Variants in DGKE observed in about 807,000 individuals in gnomAD.
DGKE encodes the protein diacylglycerol kinase epsilon.
Under a neutral mutation model 70.0 loss-of-function variants are expected in DGKE, and 53 were observed. The ratio of observed to expected loss-of-function variants is 0.76; its 90% CI spans 0.61 to 0.95. DGKE has a LOEUF of 0.95. DGKE is among the 40% of genes least tolerant of loss of function. The pLI is 0.00. For missense variants in DGKE, 655 were observed against 706.9 expected (o/e 0.93, Z 0.83); for synonymous variants, 291 against 257.0 (o/e 1.13, Z -1.27).
chr17:56,859,158 A>G (rs1361995734), intron 9 of DGKE, among the ~76,000 whole-genome samples: 2 of 121,148 alleles, frequency 1.7e-5, no homozygotes, highest in Non-Finnish European at 3.7e-5. Context: ...AAAATGTATA[A>G]ATACAAAAAA....
intron 1 of DGKE, 81 bp from the exon 2 acceptor site, chr17:56,834,697 G>A (rs1906451716): frequency 7.3e-7 from 1 of 1,361,080 alleles, no homozygotes; most frequent in African/African-American, 1.4e-5. Context: ...GAGGGCGCCC[G>A]GTTTGGCCCC....
At chr17:56,856,178 C>T (rs1907940538) in intron 7 of DGKE, among the ~76,000 whole-genome samples, 1 of 151,860 alleles carries the variant, frequency 6.6e-6, no homozygotes, top group Non-Finnish European at 1.5e-5. Flanking sequence ...AAGCTGAGAG[C>T]TTGGAGGCTG....
rs1168400327 is a variant in DGKE at position 56,858,653 on chromosome 17, T to TA, written c.1278dup (p.Val427SerfsTer2). On this transcript the variant is annotated frameshift_variant, in exon 9 of 12. Coordinates refer to ENST00000284061, the MANE Select transcript of DGKE (RefSeq NM_003647.3). LOFTEE classifies it high-confidence loss of function. Reference sequence around the variant, plus strand: ...TAGTGCAAGAATGTAAAGATTTGAATAAAAAAGTTGAGGTAAGCTATTAAC... The same window carrying TA: ...TAGTGCAAGAATGTAAAGATTTGAATAAAAAAAGTTGAGGTAAGCTATTAAC... 3.1e-6 allele frequency: 5 copies of TA among 1,603,948 alleles called. No individual in the cohort carries two copies. The highest frequency in any genetic ancestry group is 1.3e-5 in the African/African-American group (1 of 74,314).
intron 8 of DGKE, among the ~76,000 whole-genome samples, chr17:56,857,769 C>T (rs1908035461): frequency 2.0e-5 from 3 of 151,926 alleles, no homozygotes; most frequent in African/African-American, 7.3e-5. Flanking sequence ...GGAGAAAACA[C>T]CATTTAGAAA....
chr17:56,840,800 A>G (rs1296283310), intron 2 of DGKE, among the ~76,000 whole-genome samples: 2 of 152,170 alleles, frequency 1.3e-5, no homozygotes, highest in East Asian at 1.9e-4. Flanking sequence ...AGGGGGGGGA[A>G]TAACTATAGG....
chr17:56,842,855 AG>A (rs769864124), intron 2 of DGKE, among the ~76,000 whole-genome samples: 8 of 152,370 alleles, frequency 5.3e-5, no homozygotes, highest in Middle Eastern at 3.4e-3. Context: ...AATTAATAAT[AG>A]AAACCCAGGA....
chr17:56,862,737 A>G lies in DGKE; in HGVS notation c.1650A>G (p.Thr550=), dbSNP rs1908368786. Residue 550 remains threonine, a synonymous_variant, in exon 12 of 12, where the codon ACA becomes ACG. Transcript: ENST00000284061. ...AMMLYFSGEQ[T]DDDISSTSDQ... ...TGTTATATTTCTCTGGAGAACAAAC[A>G]GATGATGACATCTCTAGTACTTCGG... is the stretch of plus-strand genomic sequence containing the variant. 1 of 1,608,522 alleles carries G rather than the reference A, an allele frequency of 6.2e-7. No individual in the cohort carries two copies. Among genetic ancestry groups the G allele is most frequent in the African/African-American group, 1.3e-5 (1 of 74,738 alleles).
rs770159608 is a variant in DGKE, at chr17:56,847,954, A to C, written c.777A>C (p.Lys259Asn). The change falls in exon 5 of 12, where the codon AAA becomes AAC. Residue 259 changes from lysine (K) to asparagine (N), a missense_variant. Transcript: ENST00000284061. ...ATGTAACTAAAACTCCTCCTATCAA[A>C]GCCCTACAACTCTGTACTCTTCTCC... is the stretch of plus-strand genomic sequence containing the variant. ...VFDVTKTPPI[K>N]ALQLCTLLPY... The C allele has an allele frequency of 1.3e-6, 2 of 1,586,792 alleles. No homozygotes were observed. Among genetic ancestry groups the C allele is most frequent in the South Asian group, 2.3e-5 (2 of 85,406 alleles).
intron 8 of DGKE, 175 bp downstream of exon 8, chr17:56,856,800 T>C: frequency 2.2e-6 from 1 of 462,624 alleles, no homozygotes; most frequent in Non-Finnish European, 2.8e-6. Flanking sequence ...ATTAGATCTT[T>C]AAATGTGCTT....
chr17:56,845,955 A>G (rs1907260907), intron 4 of DGKE, 146 bp downstream of exon 4: 2 of 803,316 alleles, frequency 2.5e-6, no homozygotes, highest in South Asian at 3.1e-5. Context: ...GTGGATAAAC[A>G]GGCACTCTTG....
rs183669779 is a variant in DGKE, at chr17:56,869,367, G to C, written c.*6576G>C. 33 of 152,332 alleles carry C rather than the reference G, an allele frequency of 2.2e-4. No homozygotes were observed. In the East Asian group the frequency reaches 5.0e-3, roughly 23 times the overall value. The allele number at this position is 152,332 out of a possible 1,614,324, so 9.4% of individuals were successfully genotyped here. A position where few individuals can be genotyped will look rare whatever the true frequency, so the allele number is the denominator to read the frequency against. On this transcript the variant is annotated 3_prime_UTR_variant, in exon 12 of 12. Coordinates refer to ENST00000284061, the MANE Select transcript of DGKE (RefSeq NM_003647.3). ...GCATCTTAATATGCATGGCAGAACT[G>C]TGTGTTTCCTTCCATCTGGATTTTC... is the stretch of plus-strand genomic sequence containing the variant.
rs1908496490 is a variant in DGKE at position 56,865,591 on chromosome 17, C to G, written c.*2800C>G. The stretch of plus-strand genomic sequence containing the variant: ...TTTCTGCAACAATTAGCTGTGAACC[C>G]CTAATGTAGCTAAGTTTATACAAAT... On this transcript the variant is annotated 3_prime_UTR_variant, in exon 12 of 12. Coordinates refer to ENST00000284061, the MANE Select transcript of DGKE (RefSeq NM_003647.3). 1 of 151,892 alleles carries G rather than the reference C, an allele frequency of 6.6e-6. No homozygotes were observed. The highest frequency in any genetic ancestry group is 2.1e-4 in the South Asian group (1 of 4,822). The allele number at this position is 151,892 out of a possible 1,614,324, so 9.4% of individuals were successfully genotyped here.
intron 4 of DGKE, 63 bp downstream of exon 4, chr17:56,845,872 T>G: frequency 1.4e-6 from 2 of 1,473,612 alleles, no homozygotes; most frequent in Non-Finnish European, 9.1e-7. Flanking sequence ...CAATGATTAT[T>G]AATGCTTCAA....
chr17:56,844,298 A>ATAT, intron 3 of DGKE, 120 bp downstream of exon 3: 2 of 644,516 alleles, frequency 3.1e-6, no homozygotes, highest in East Asian at 7.1e-5. Context: ...AAACTTAAAT[A>ATAT]ACAGATCAAG....
Position 56,862,142 on chromosome 17 carries a change from A to G in DGKE, c.1415A>G (p.His472Arg), listed in dbSNP as rs747244669. 1.9e-6 allele frequency: 3 copies of G among 1,614,048 alleles called. No homozygotes were observed. The highest frequency in any genetic ancestry group is 1.1e-5 in the South Asian group (1 of 91,058). The stretch of plus-strand genomic sequence containing the variant: ...ATATTTTCTTTTTCCAATTTTAGGC[A>G]TGACGATGGTCTGCTGGAAGTCGTT... ...MGDETYPLAR[H>R]DDGLLEVVGV... Residue 472 changes from histidine (H) to arginine (R), a missense_variant and splice_region_variant, in exon 11 of 12, where the codon CAT becomes CGT. Coordinates refer to ENST00000284061, the MANE Select transcript of DGKE (RefSeq NM_003647.3).
At chr17:56,855,262 A>G (rs1393528635) in intron 7 of DGKE, among the ~76,000 whole-genome samples, 1 of 152,160 alleles carries the variant, frequency 6.6e-6, no homozygotes, top group Non-Finnish European at 1.5e-5. Context: ...ATTTAGTTCC[A>G]TAAGAGATGA....
intron 2 of DGKE, among the ~76,000 whole-genome samples, chr17:56,836,646 C>T (rs1906640566): frequency 1.3e-5 from 2 of 152,184 alleles, no homozygotes; most frequent in African/African-American, 4.8e-5. Flanking sequence ...CTGATCAAGT[C>T]CCTGCTCTGC....
At position 56,868,066 on chromosome 17, in the gene DGKE, T is replaced by C. The variant is rs921675814; in HGVS notation, c.*5275T>C. On this transcript the variant is annotated 3_prime_UTR_variant, in exon 12 of 12. Coordinates refer to ENST00000284061, the MANE Select transcript of DGKE (RefSeq NM_003647.3). ...AGGAAATAAGCTGTAATCTAGAGAA[T>C]TTCCATTATGTGTTACTTTTTGGTG... The C allele has an allele frequency of 9.9e-5, 15 of 152,266 alleles. No individual in the cohort carries two copies. The highest frequency in any genetic ancestry group is 3.6e-4 in the African/African-American group (15 of 41,480). The allele number at this position is 152,266 out of a possible 1,614,324, so 9.4% of individuals were successfully genotyped here. A position where few individuals can be genotyped will look rare whatever the true frequency, so the allele number is the denominator to read the frequency against.
intron 2 of DGKE, among the ~76,000 whole-genome samples, chr17:56,838,054 T>C (rs1205731431): frequency 6.6e-6 from 1 of 152,236 alleles, no homozygotes; most frequent in Non-Finnish European, 1.5e-5. Flanking sequence ...ACATATTCAA[T>C]ATATTTATTA....
Sources: allele counts gnomAD v4.1 joint callset (sites outside exome capture counted in the v4.1 genomes callset), GRCh38; gene constraint gnomAD v4.1.1; transcripts MANE v1.5; gene names NCBI Gene and HGNC (gene_info 2026-07-23, HGNC 2026-07-21).